The following PJA2 variants were observed in gnomAD, a reference collection of about 807,000 sequenced individuals.
PJA2 encodes the protein E3 ubiquitin-protein ligase Praja-2.
PJA2 carries 25 observed loss-of-function variants against 69.3 expected under a neutral mutation model. The observed-to-expected ratio is 0.36, with a 90% confidence interval of 0.26 to 0.50. The LOEUF is 0.50. Ranked by LOEUF, PJA2 falls within the 20% of genes least tolerant of loss-of-function variation. The probability of loss-of-function intolerance (pLI) is 0.96; values close to 1 mark genes in which losing one functional copy is unlikely to be tolerated. For synonymous variants in PJA2, 308 were observed against 277.8 expected (o/e 1.11, Z -1.08); for missense variants, 809 against 830.2 (o/e 0.97, Z 0.31).
At position 109,368,624 on chromosome 5, in the gene PJA2, G is replaced by A; in HGVS notation, c.1406C>T (p.Pro469Leu). Residue 469 changes from proline to leucine, a missense_variant, in exon 5 of 10, where the codon CCT becomes CTT. Coordinates refer to ENST00000361189, the MANE Select transcript of PJA2 (RefSeq NM_014819.5). The stretch of plus-strand genomic sequence containing the variant: ...GCCACTGCTATCACTTTGTAGCTCA[G>A]GTTCATTCTCATCTTTTCCTGGCAG... Reference protein sequence around the residue: ...ETLPGKDENEPELQSDSSGPE... With the variant: ...ETLPGKDENELELQSDSSGPE... The A allele has an allele frequency of 6.2e-7, 1 of 1,614,036 alleles. No homozygotes were observed. The highest frequency in any genetic ancestry group is 8.5e-7 in the Non-Finnish European group (1 of 1,180,012).
chr5:109,403,887 T>C (rs1390177786), intron 1 of PJA2, among the ~76,000 whole-genome samples: 1 of 151,508 alleles, frequency 6.6e-6, no homozygotes, highest in Non-Finnish European at 1.5e-5. Context: ...CTGGCCAACA[T>C]GGTAAAACCC....
At chr5:109,370,032 CAAAAAAAAAAA>C (rs1168528650) in intron 4 of PJA2, among the ~76,000 whole-genome samples, 13 of 49,098 alleles carry the variant, frequency 2.6e-4, no homozygotes, top group Admixed American at 1.3e-3. Flanking sequence ...AACTCCCTCT[CAAAAAAAAAAA>C]AAAAAAAAAA....
intron 6 of PJA2, among the ~76,000 whole-genome samples, chr5:109,357,278 C>A (rs894831799): frequency 6.6e-6 from 1 of 151,948 alleles, no homozygotes; most frequent in Non-Finnish European, 1.5e-5. Flanking sequence ...ATATCATAGT[C>A]CTAAACATCC....
intron 9 of PJA2, among the ~76,000 whole-genome samples, chr5:109,342,049 T>TG (rs1409404661): frequency 1.9e-3 from 189 of 100,942 alleles, no homozygotes; most frequent in African/African-American, 7.1e-3. Flanking sequence ...GGGAGGGAGG[T>TG]GGGGGGGTCA....
At chr5:109,363,802 C>A (rs1487367689) in intron 5 of PJA2, among the ~76,000 whole-genome samples, 1 of 151,910 alleles carries the variant, frequency 6.6e-6, no homozygotes, top group Non-Finnish European at 1.5e-5. Flanking sequence ...ATCAATGGTA[C>A]AGATCAAGAA....
rs183621385 is a variant in PJA2 at position 109,406,123 on chromosome 5, G to A, written c.-88+3719C>T. On this transcript the variant is annotated intron_variant, in intron 1 of 9. Coordinates refer to ENST00000361189, the MANE Select transcript of PJA2 (RefSeq NM_014819.5). ...CAGTGGCACGATCTTGGCTCACTGC[G>A]AGCTCCACCTCCCGGGTTCACGCCA... Among the ~76,000 whole-genome samples, 289 of 147,964 alleles carry A rather than the reference G, an allele frequency of 2.0e-3. 1 individual carries two copies. The highest frequency in any genetic ancestry group is 6.8e-3 in the African/African-American group (273 of 39,904).
intron 6 of PJA2, among the ~76,000 whole-genome samples, chr5:109,361,721 G>A (rs1762509242): frequency 6.6e-6 from 1 of 152,224 alleles, no homozygotes; most frequent in Non-Finnish European, 1.5e-5. Flanking sequence ...GTGTTTTAGA[G>A]TATGAGAATG....
At chr5:109,342,562 C>T (rs1437102793) in intron 9 of PJA2, among the ~76,000 whole-genome samples, 13 of 100,862 alleles carry the variant, frequency 1.3e-4, no homozygotes, top group Non-Finnish European at 2.1e-4. Flanking sequence ...CCGCCCCGTC[C>T]GGGAGGTGAG....
At chr5:109,385,973 T>C (rs1050347400) in intron 1 of PJA2, among the ~76,000 whole-genome samples, 1 of 152,168 alleles carries the variant, frequency 6.6e-6, no homozygotes, top group Non-Finnish European at 1.5e-5. Flanking sequence ...TGTTAAGTAC[T>C]GATGTGTGGA....
chr5:109,340,639 TC>T (rs1561338624), intron 9 of PJA2, among the ~76,000 whole-genome samples: 1 of 320 alleles, frequency 3.1e-3, no homozygotes, highest in Non-Finnish European at 9.1e-3. Context: ...CCCCTCCCCC[TC>T]CCCCTCCCCC....
chr5:109,337,173 T>A lies in PJA2; in HGVS notation c.*58A>T, dbSNP rs1761961120. 1 of 1,528,326 alleles carries A rather than the reference T, an allele frequency of 6.5e-7. No homozygotes were observed. Among genetic ancestry groups the A allele is most frequent in the South Asian group, 1.3e-5 (1 of 78,270 alleles). 94.7% of individuals were successfully genotyped at this position (1,528,326 alleles called of 1,614,324 possible). A position where few individuals can be genotyped will look rare whatever the true frequency, so the allele number is the denominator to read the frequency against. ...TATATATAATTATTTGCACATGAAA[T>A]TTAGAAGGAATTTGCAGATTTACTT... On this transcript the variant is annotated 3_prime_UTR_variant, in exon 10 of 10. Transcript: ENST00000361189.
intron 1 of PJA2, among the ~76,000 whole-genome samples, chr5:109,386,561 C>G (rs897457212): frequency 6.6e-6 from 1 of 152,152 alleles, no homozygotes; most frequent in African/African-American, 2.4e-5. Context: ...TTTTCAAGGG[C>G]TATTAATCAG....
At chr5:109,373,826 T>C (rs940953458) in intron 4 of PJA2, among the ~76,000 whole-genome samples, 7 of 152,178 alleles carry the variant, frequency 4.6e-5, no homozygotes, top group African/African-American at 7.2e-5. Context: ...CTAAAAAAAC[T>C]TGATATACAG....
At chr5:109,376,668 A>C (rs1199598572) in intron 4 of PJA2, among the ~76,000 whole-genome samples, 1 of 152,068 alleles carries the variant, frequency 6.6e-6, no homozygotes, top group South Asian at 2.1e-4. Context: ...ACTTTCAAAA[A>C]AATAAATTAT....
chr5:109,376,834 T>C (rs922729337), intron 4 of PJA2, among the ~76,000 whole-genome samples: 1 of 152,082 alleles, frequency 6.6e-6, no homozygotes, highest in Admixed American at 6.6e-5. Context: ...AACCCCAACA[T>C]GGTCCAGGCC....
chr5:109,385,610 T>TC (rs1747140125), intron 1 of PJA2, among the ~76,000 whole-genome samples: 1 of 152,184 alleles, frequency 6.6e-6, no homozygotes, highest in Non-Finnish European at 1.5e-5. Flanking sequence ...GAGCTGTTAG[T>TC]ATAATTTGGG....
At chr5:109,399,677 C>T (rs1747495199) in intron 1 of PJA2, among the ~76,000 whole-genome samples, 2 of 152,298 alleles carry the variant, frequency 1.3e-5, no homozygotes, top group Middle Eastern at 6.8e-3. Context: ...ACAATCTCTA[C>T]TGTTCTGCAT....
chr5:109,355,208 G>C (rs1275309792), intron 7 of PJA2, among the ~76,000 whole-genome samples: 1 of 152,094 alleles, frequency 6.6e-6, no homozygotes, highest in East Asian at 1.9e-4. Context: ...AAAAGTTCTT[G>C]CCAATTTTTT....
At chr5:109,348,465 C>T (rs1185636864) in intron 7 of PJA2, among the ~76,000 whole-genome samples, 1 of 152,100 alleles carries the variant, frequency 6.6e-6, no homozygotes, top group Non-Finnish European at 1.5e-5. Context: ...GATTCTGAAA[C>T]CTGGAATGAA....
Sources: gnomAD v4.1 joint callset for allele counts (sites outside exome capture counted in the v4.1 genomes callset) on GRCh38, gnomAD v4.1.1 for gene constraint, MANE v1.5 for transcripts, NCBI Gene and HGNC (gene_info 2026-07-23, HGNC 2026-07-21) for gene names.